HDLBP: variants seen among roughly 807,000 people sequenced by gnomAD.
HDLBP encodes the protein vigilin.
A neutral mutation model predicts 137.3 loss-of-function variants in HDLBP; 30 were observed. That is an observed-to-expected ratio of 0.22 (90% CI 0.16 to 0.30). The LOEUF is 0.30. Ranked by LOEUF, HDLBP falls within the 10% of genes least tolerant of loss-of-function variation. The pLI is 1.00. For synonymous variants in HDLBP, 606 were observed against 596.0 expected, an observed-to-expected ratio of 1.02 and a Z score of -0.24; for missense variants, 1,119 against 1,667.3, an observed-to-expected ratio of 0.67 and a Z score of 5.73.
At position 241,301,138 on chromosome 2, in the gene HDLBP, G is replaced by A. The variant is rs1246267186; in HGVS notation, c.-103+14432C>T. On this transcript the variant is annotated intron_variant, in intron 1 of 27. Transcript: ENST00000310931. ...ACTACAGGCGCCCGCCACCAGGCCCGGCTAATTTTTTTTTTTTTTTTGGTA... is the reference window on the plus strand; with the variant it reads ...ACTACAGGCGCCCGCCACCAGGCCCAGCTAATTTTTTTTTTTTTTTTGGTA... 6.9e-5 allele frequency among the ~76,000 whole-genome samples: 10 copies of A among 145,360 alleles called. No homozygotes were observed. In the East Asian group the frequency reaches 8.4e-4, roughly 12 times the overall value.
In HDLBP at chr2:241,233,795, G is replaced by A. The variant is rs763627429; in HGVS notation, c.3288+25C>T. 11 of 1,613,518 alleles carry A rather than the reference G, an allele frequency of 6.8e-6. No individual in the cohort carries two copies. The highest frequency in any genetic ancestry group is 1.1e-5 in the South Asian group (1 of 91,040). On this transcript the variant is annotated intron_variant, in intron 24 of 27. Coordinates refer to ENST00000310931, the MANE Select transcript of HDLBP (RefSeq NM_005336.6). The surrounding 1 kb of genome is among the most constrained non-coding windows in gnomAD (Gnocchi z 4.3). The stretch of plus-strand genomic sequence containing the variant: ...AAGGTCAACAAGCACCTCTGCCCCC[G>A]ACACGCTCCAACCGAGGCTCTCACC...
At chr2:241,291,888 G>T (rs1407486924) in intron 1 of HDLBP, among the ~76,000 whole-genome samples, 1 of 152,176 alleles carries the variant, frequency 6.6e-6, no homozygotes, top group Non-Finnish European at 1.5e-5. Context: ...AGCTGGAAAA[G>T]GCCAGGAAGC....
At chr2:241,287,213 C>T (rs560026716) in intron 1 of HDLBP, among the ~76,000 whole-genome samples, 28 of 152,102 alleles carry the variant, frequency 1.8e-4, no homozygotes, top group African/African-American at 5.3e-4. Flanking sequence ...TGGGTTCAAG[C>T]GATTCTCTTG....
chr2:241,237,850 A>G (rs2289796), intron 20 of HDLBP, among the ~76,000 whole-genome samples: 121,553 of 152,206 alleles, frequency 0.8, 48,746 homozygotes, highest in East Asian at 0.95. Context: ...AAACATAGAC[A>G]GAGTGCAGTA....
chr2:241,282,825 C>A (rs2074655837), intron 1 of HDLBP, among the ~76,000 whole-genome samples: 1 of 152,150 alleles, frequency 6.6e-6, no homozygotes, highest in African/African-American at 2.4e-5. Context: ...TCTCCTCATG[C>A]CGCCCGATCC....
At chr2:241,313,257 GGAAAA>G (rs757753746) in intron 1 of HDLBP, among the ~76,000 whole-genome samples, 3 of 152,112 alleles carry the variant, frequency 2.0e-5, no homozygotes, top group Non-Finnish European at 1.5e-5. Flanking sequence ...AGCTGCCTGA[GGAAAA>G]GAAAAGTCTA....
chr2:241,296,965 T>C (rs2075202062), intron 1 of HDLBP, among the ~76,000 whole-genome samples: 1 of 152,238 alleles, frequency 6.6e-6, no homozygotes, highest in Non-Finnish European at 1.5e-5. Context: ...AAGGCAGTCA[T>C]ACTAAGTGGG....
At position 241,294,968 on chromosome 2, in the gene HDLBP, G is replaced by C. The variant is rs376108505; in HGVS notation, c.-103+20602C>G. Among the ~76,000 whole-genome samples the C allele has an allele frequency of 1.1e-4, 16 of 152,194 alleles. No homozygotes were observed. The South Asian group carries it at 3.1e-3, about 30-fold the overall frequency. On this transcript the variant is annotated intron_variant, in intron 1 of 27. Coordinates refer to ENST00000310931, the MANE Select transcript of HDLBP (RefSeq NM_005336.6). Reference sequence around the variant, plus strand: ...ACACTAAAAATTAGCCAGGCATGGTGGTGGGTGCCTGTGATCCCAGCTACT... The same window carrying C: ...ACACTAAAAATTAGCCAGGCATGGTCGTGGGTGCCTGTGATCCCAGCTACT...
At chr2:241,284,805 G>A (rs766645915) in intron 1 of HDLBP, among the ~76,000 whole-genome samples, 8 of 152,202 alleles carry the variant, frequency 5.3e-5, no homozygotes, top group Non-Finnish European at 1.0e-4. Context: ...ACATCAAAGC[G>A]AGACCTTCCA....
intron 1 of HDLBP, among the ~76,000 whole-genome samples, chr2:241,292,626 A>T (rs1448622378): frequency 6.6e-6 from 1 of 152,240 alleles, no homozygotes; most frequent in East Asian, 1.9e-4. Flanking sequence ...AATACATGCT[A>T]AAGTATTTAG....
chr2:241,309,350 G>A (rs71430325), intron 1 of HDLBP, among the ~76,000 whole-genome samples: 28,938 of 152,148 alleles, frequency 0.19, 3,093 homozygotes, highest in Middle Eastern at 0.34. Context: ...TCTCCAGCAC[G>A]AGCCGTTGTC....
chr2:241,287,873 T>C (rs976674610), intron 1 of HDLBP, among the ~76,000 whole-genome samples: 9 of 152,198 alleles, frequency 5.9e-5, no homozygotes, highest in Admixed American at 3.3e-4. Context: ...AGCATCAACA[T>C]GAACAGCTGG....
chr2:241,272,092 C>A lies in HDLBP; in HGVS notation c.-102-3551G>T. ...CGGTACTTTTCCGTAATGTATTTTT[C>A]ATCCACGACCCTGGGGCACGTCCAA... On this transcript the variant is annotated intron_variant, in intron 1 of 27. Transcript: ENST00000310931. The surrounding 1 kb of genome is among the most constrained non-coding windows in gnomAD (Gnocchi z 5.6). 1.5e-6 allele frequency: 1 copy of A among 673,062 alleles called. No individual in the cohort carries two copies. Among genetic ancestry groups the A allele is most frequent in the Non-Finnish European group, 1.8e-6 (1 of 544,124 alleles). The allele number at this position is 673,062 out of a possible 1,614,324, so 41.7% of individuals were successfully genotyped here. A position where few individuals can be genotyped will look rare whatever the true frequency, so the allele number is the denominator to read the frequency against.
In HDLBP at chr2:241,272,976, G is replaced by A. The variant is rs2074227954; in HGVS notation, c.-102-4435C>T. On this transcript the variant is annotated intron_variant, in intron 1 of 27. Coordinates refer to ENST00000310931, the MANE Select transcript of HDLBP (RefSeq NM_005336.6). This position sits in a 1 kb window ranked among gnomAD's most constrained non-coding sequence, Gnocchi z 5.6. ...GGGAGGCCCACCCAACTGCAGGCGT[G>A]GTTCTGCATCCTTTTTTCGGGTGGG... is the stretch of plus-strand genomic sequence containing the variant. 3.1e-6 allele frequency: 3 copies of A among 973,264 alleles called. No homozygotes were observed. Among genetic ancestry groups the A allele is most frequent in the East Asian group, 1.1e-4 (1 of 8,754 alleles). 60.3% of individuals were successfully genotyped at this position (973,264 alleles called of 1,614,324 possible). A position where few individuals can be genotyped will look rare whatever the true frequency, so the allele number is the denominator to read the frequency against.
chr2:241,262,456 T>TA (rs11443847), intron 5 of HDLBP, among the ~76,000 whole-genome samples: 79,281 of 151,152 alleles, frequency 0.52, 21,569 homozygotes, highest in East Asian at 0.76. Flanking sequence ...CTCTGTCTCT[T>TA]AAAAAAAAAA....
intron 1 of HDLBP, among the ~76,000 whole-genome samples, chr2:241,312,057 T>C (rs1291925209): frequency 6.6e-6 from 1 of 152,140 alleles, no homozygotes; most frequent in South Asian, 2.1e-4. Flanking sequence ...GGAGGAAACA[T>C]GATTAGGGGA....
At position 241,233,773 on chromosome 2, in the gene HDLBP, G is replaced by C. The variant is rs567299024; in HGVS notation, c.3288+47C>G. 1.2e-6 allele frequency: 2 copies of C among 1,610,792 alleles called. No individual in the cohort carries two copies. The highest frequency in any genetic ancestry group is 2.2e-5 in the South Asian group (2 of 90,828). ...TTACTGCTCCCAAGTCACAGGAAAG[G>C]TCAACAAGCACCTCTGCCCCCGACA... On this transcript the variant is annotated intron_variant, in intron 24 of 27. Transcript: ENST00000310931. The surrounding 1 kb of genome is among the most constrained non-coding windows in gnomAD (Gnocchi z 4.3).
Position 241,238,727 on chromosome 2 carries a change from G to A in HDLBP, c.2671C>T (p.Pro891Ser). The A allele has an allele frequency of 6.3e-7, 1 of 1,581,310 alleles. No individual in the cohort carries two copies. The highest frequency in any genetic ancestry group is 2.3e-5 in the East Asian group (1 of 43,896). The change falls in exon 20 of 28, where the codon CCC (proline) becomes TCC (serine). Residue 891 changes from proline to serine, a missense_variant. Physicochemically the swap from Pro to Ser is moderately conservative, Grantham distance 74. Around this residue, in one of 4 missense-constraint regions of HDLBP, gnomAD observed 618 missense variants for 816.7 expected, o/e 0.76. Transcript: ENST00000310931. This position sits in a 1 kb window ranked among gnomAD's most constrained non-coding sequence, Gnocchi z 4.9. The stretch of plus-strand genomic sequence containing the variant: ...ATCTGCTGGATTCTGGAACCTTTGG[G>A]GCCCATGACAGATCGATGGAATTTC... ...PQKFHRSVMGPKGSRIQQITR... is the reference protein window; with the variant it reads ...PQKFHRSVMGSKGSRIQQITR...
intron 1 of HDLBP, among the ~76,000 whole-genome samples, chr2:241,290,797 A>G (rs1052154555): frequency 1.3e-5 from 2 of 152,242 alleles, no homozygotes; most frequent in Non-Finnish European, 2.9e-5. Context: ...TGTATCTAAC[A>G]ATGTCAGAGC....
Sources: gnomAD v4.1 joint callset for allele counts (sites outside exome capture counted in the v4.1 genomes callset) on GRCh38, gnomAD v4.1.1 for gene constraint, gnomAD v4.1.1 regional missense constraint, Gnocchi (gnomAD v3.1) non-coding constraint, MANE v1.5 for transcripts, NCBI Gene and HGNC (gene_info 2026-07-23, HGNC 2026-07-21) for gene names.